The following RALGAPA1 variants were observed in gnomAD, a reference collection of about 807,000 sequenced individuals.
The protein encoded by RALGAPA1 is ral GTPase-activating protein subunit alpha-1.
Under a neutral mutation model 269.6 loss-of-function variants are expected in RALGAPA1, and 52 were observed. The observed-to-expected ratio is 0.19, with a 90% CI of 0.15 to 0.24. RALGAPA1 has a LOEUF of 0.24. RALGAPA1 is among the 10% of genes least tolerant of loss of function. The pLI is 1.00. For synonymous variants in RALGAPA1, 817 were observed against 1,008.3 expected (o/e 0.81, Z 3.60); for missense variants, 1,917 against 3,013.9 (o/e 0.64, Z 8.52).
chr14:35,573,396 A>T (rs1427712958), intron 37 of RALGAPA1, among the ~76,000 whole-genome samples: 1 of 152,168 alleles, frequency 6.6e-6, no homozygotes, highest in African/African-American at 2.4e-5. Flanking sequence ...AAATTTCATT[A>T]TACTAGTACG....
At chr14:35,616,540 A>G (rs8012787) in intron 35 of RALGAPA1, among the ~76,000 whole-genome samples, 19,510 of 152,176 alleles carry the variant, frequency 0.13, 2,085 homozygotes, top group East Asian at 0.31. Flanking sequence ...CACATTTATC[A>G]AAACCAATAG....
At chr14:35,678,881 C>T (rs1298919993) in intron 21 of RALGAPA1, among the ~76,000 whole-genome samples, 1 of 152,182 alleles carries the variant, frequency 6.6e-6, no homozygotes, top group Non-Finnish European at 1.5e-5. Flanking sequence ...CCTTGAGAAG[C>T]CTACTCCTGA....
Position 35,654,468 on chromosome 14 carries a change from T to G in RALGAPA1, c.5506A>C (p.Lys1836Gln). 1 of 1,598,678 alleles carries G rather than the reference T, an allele frequency of 6.3e-7. No homozygotes were observed. Among genetic ancestry groups the G allele is most frequent in the Non-Finnish European group, 8.5e-7 (1 of 1,176,524 alleles). Residue 1836 changes from lysine to glutamine, a missense_variant, in exon 30 of 42, where the codon AAA (lysine) becomes CAA (glutamine). By Grantham distance (53) the Lys-to-Gln change is moderately conservative (BLOSUM62 1). Coordinates refer to ENST00000680220, the MANE Select transcript of RALGAPA1 (RefSeq NM_001346249.2). ...VICVSLKFTNKTVAHVACNML... is the reference protein window; with the variant it reads ...VICVSLKFTNQTVAHVACNML... ...TTACAAGCTACGTGGGCTACTGTTTTATTAGTAAACTGCAATAATAAAAAA... is the reference window on the plus strand; with the variant it reads ...TTACAAGCTACGTGGGCTACTGTTTGATTAGTAAACTGCAATAATAAAAAA...
At chr14:35,565,131 TGTTGATA>T (rs1364241107) in intron 39 of RALGAPA1, among the ~76,000 whole-genome samples, 1 of 152,026 alleles carries the variant, frequency 6.6e-6, no homozygotes, top group African/African-American at 2.4e-5. Context: ...TTTCTTGACT[TGTTGATA>T]GTTAAACTGT....
intron 35 of RALGAPA1, among the ~76,000 whole-genome samples, chr14:35,615,731 T>C (rs928162903): frequency 6.6e-6 from 1 of 152,108 alleles, no homozygotes; most frequent in Non-Finnish European, 1.5e-5. Flanking sequence ...CATACCACAA[T>C]TCATTCAAGG....
At chr14:35,659,926 A>C (rs2063426839) in intron 27 of RALGAPA1, among the ~76,000 whole-genome samples, 1 of 152,106 alleles carries the variant, frequency 6.6e-6, no homozygotes, top group Non-Finnish European at 1.5e-5. Context: ...GCTCAAAGGT[A>C]TGAATATCCT....
intron 41 of RALGAPA1, among the ~76,000 whole-genome samples, chr14:35,548,222 C>A (rs1219183567): frequency 6.6e-6 from 1 of 151,836 alleles, no homozygotes; most frequent in Non-Finnish European, 1.5e-5. Context: ...CTTTTTCATG[C>A]TGAGAAACAG....
At chr14:35,623,852 G>T (rs1008876036) in intron 35 of RALGAPA1, among the ~76,000 whole-genome samples, 1 of 152,170 alleles carries the variant, frequency 6.6e-6, no homozygotes, top group African/African-American at 2.4e-5. Flanking sequence ...GGCCAAGGCG[G>T]GTGGATCACG....
intron 16 of RALGAPA1, among the ~76,000 whole-genome samples, chr14:35,715,320 T>C (rs185132930): frequency 5.2e-4 from 79 of 152,284 alleles, no homozygotes; most frequent in Middle Eastern, 6.8e-3. Flanking sequence ...TTATATCTTA[T>C]GTGTTGCTTA....
chr14:35,721,204 A>T (rs1455466854), intron 16 of RALGAPA1, among the ~76,000 whole-genome samples: 1 of 152,196 alleles, frequency 6.6e-6, no homozygotes, highest in Non-Finnish European at 1.5e-5. Flanking sequence ...TGTTAAAAGC[A>T]GCAAGAAACT....
chr14:35,806,627 C>T (rs531366950), intron 1 of RALGAPA1, among the ~76,000 whole-genome samples: 1 of 152,214 alleles, frequency 6.6e-6, no homozygotes, highest in South Asian at 2.1e-4. Flanking sequence ...CCCATAAGTA[C>T]CCTGAGTGAA....
At chr14:35,570,805 C>A in intron 38 of RALGAPA1, 61 bp from the exon 39 acceptor site, 1 of 1,462,440 alleles carries the variant, frequency 6.8e-7, no homozygotes, top group South Asian at 1.3e-5. Flanking sequence ...TAAATAAGAG[C>A]AATCAAGACA....
chr14:35,770,362 T>C (rs2074522467), intron 4 of RALGAPA1, among the ~76,000 whole-genome samples: 1 of 152,086 alleles, frequency 6.6e-6, no homozygotes. Context: ...TCAGGAATAA[T>C]GCAAGAATGT....
chr14:35,703,241 G>C (rs1048845231), intron 16 of RALGAPA1, among the ~76,000 whole-genome samples: 3 of 152,310 alleles, frequency 2.0e-5, no homozygotes, highest in Admixed American at 2.0e-4. Flanking sequence ...GGAGGCCAAG[G>C]CAGGAGGATG....
chr14:35,673,573 A>G (rs979767225), intron 24 of RALGAPA1, among the ~76,000 whole-genome samples: 26 of 152,146 alleles, frequency 1.7e-4, no homozygotes, highest in African/African-American at 6.3e-4. Flanking sequence ...AAAAACAAAC[A>G]AAAAAGAATT....
intron 39 of RALGAPA1, 92 bp from the exon 40 acceptor site, chr14:35,549,326 ACTT>A: frequency 1.6e-6 from 2 of 1,269,516 alleles, no homozygotes; most frequent in Non-Finnish European, 2.2e-6. Context: ...CTAAGCCATT[ACTT>A]CTTAATAAAT....
At chr14:35,635,391 A>T (rs1371914470) in intron 32 of RALGAPA1, 73 bp downstream of exon 32, 1 of 1,408,036 alleles carries the variant, frequency 7.1e-7, no homozygotes, top group Non-Finnish European at 9.4e-7. Context: ...AAAATGTTAT[A>T]CTGAGAAATG....
At chr14:35,728,318 A>T (rs200991979) in intron 13 of RALGAPA1, 44 bp downstream of exon 13, 21 of 1,462,494 alleles carry the variant, frequency 1.4e-5, no homozygotes, top group Middle Eastern at 2.6e-4. Flanking sequence ...ATACCTGTGT[A>T]CACAATAAAA....
chr14:35,779,901 A>T (rs553063420), intron 1 of RALGAPA1, among the ~76,000 whole-genome samples: 132 of 152,270 alleles, frequency 8.7e-4, no homozygotes, highest in African/African-American at 3.1e-3. Context: ...AGGTGGGCGG[A>T]TCATGAGGTT....
Sources: gnomAD v4.1 joint callset for allele counts (sites outside exome capture counted in the v4.1 genomes callset) on GRCh38, gnomAD v4.1.1 for gene constraint, MANE v1.5 for transcripts, NCBI Gene and HGNC (gene_info 2026-07-23, HGNC 2026-07-21) for gene names.